Variants in ZNF207 observed in about 807,000 individuals in gnomAD.
ZNF207 encodes zinc finger protein 207.
In ZNF207, 24 loss-of-function variants were observed where a neutral mutation model predicts 60.2. The observed-to-expected ratio is 0.40, with a 90% CI of 0.29 to 0.56. ZNF207 has a LOEUF of 0.56. Among genes scored for constraint, ZNF207 ranks in the 20% least tolerant of loss-of-function variants. The pLI is 0.49. For missense variants in ZNF207, 452 were observed against 636.6 expected (o/e 0.71, Z 3.12); for synonymous variants, 236 against 194.7 (o/e 1.21, Z -1.77).
chr17:32,359,319 G>C (rs1904725698), intron 3 of ZNF207, among the ~76,000 whole-genome samples: 1 of 152,062 alleles, frequency 6.6e-6, no homozygotes, highest in Admixed American at 6.5e-5. Flanking sequence ...CACCATGTTG[G>C]TCAGGCTGGT....
chr17:32,381,395 A>G lies in ZNF207; in HGVS notation c.*11636A>G, dbSNP rs1597807476. The stretch of plus-strand genomic sequence containing the variant: ...GTAAGTAAATGAGCTCACTAAGGGT[A>G]ATTAAATACTAGCTTTTAAAATTTA... On this transcript the variant is annotated 3_prime_UTR_variant, in exon 12 of 12. Transcript: ENST00000394670. 1 of 152,248 alleles carries G rather than the reference A, an allele frequency of 6.6e-6. No homozygotes were observed. Among genetic ancestry groups the G allele is most frequent in the South Asian group, 2.1e-4 (1 of 4,834 alleles). 9.4% of individuals were successfully genotyped at this position (152,248 alleles called of 1,614,324 possible).
chr17:32,358,571 A>T lies in ZNF207; in HGVS notation c.237A>T (p.Ile79=). ...IPGRTDIELE[I]YGMEGIPEKD... The stretch of plus-strand genomic sequence containing the variant: ...GAAGAACAGACATAGAGTTGGAAAT[A>T]TATGGTATGGAAGGTATTCCAGAAA... The change falls in exon 3 of 12, where the codon ATA becomes ATT. Residue 79 remains isoleucine (I), a synonymous_variant. Coordinates refer to ENST00000394670, the MANE Select transcript of ZNF207 (RefSeq NM_001098507.2). 1 of 1,565,422 alleles carries T rather than the reference A, an allele frequency of 6.4e-7. No individual in the cohort carries two copies. The highest frequency in any genetic ancestry group is 8.6e-7 in the Non-Finnish European group (1 of 1,162,342).
intron 7 of ZNF207, among the ~76,000 whole-genome samples, chr17:32,364,356 T>C (rs553717643): frequency 7.9e-6 from 1 of 126,620 alleles, no homozygotes; most frequent in African/African-American, 2.7e-5. Context: ...TAGTTGTTTT[T>C]TTTTCTTTTT....
rs1222142788 is a variant in ZNF207 at position 32,380,134 on chromosome 17, G to A, written c.*10375G>A. On this transcript the variant is annotated 3_prime_UTR_variant, in exon 12 of 12. Transcript: ENST00000394670. Reference sequence around the variant, plus strand: ...TCAATTTATGTCTTTAAGATTTAAAGTGAAGTAAATTTCTAAGGAACTGTG... The same window carrying A: ...TCAATTTATGTCTTTAAGATTTAAAATGAAGTAAATTTCTAAGGAACTGTG... The A allele has an allele frequency of 6.6e-6, 1 of 152,614 alleles. No individual in the cohort carries two copies. 9.5% of individuals were successfully genotyped at this position (152,614 alleles called of 1,614,324 possible).
Position 32,361,453 on chromosome 17 carries a change from C to T in ZNF207, c.552-15C>T, listed in dbSNP as rs762944854. On this transcript the variant is annotated splice_polypyrimidine_tract_variant and intron_variant, in intron 5 of 11. Transcript: ENST00000394670. The stretch of plus-strand genomic sequence containing the variant: ...AATCACAGTTAGATTTTGATTTTGT[C>T]ATACATTTTCACAGATTGCATCATC... The T allele has an allele frequency of 6.2e-7, 1 of 1,604,526 alleles. No individual in the cohort carries two copies. Among genetic ancestry groups the T allele is most frequent in the African/African-American group, 1.3e-5 (1 of 74,822 alleles).
rs542293398 is a variant in ZNF207 at position 32,361,764 on chromosome 17, A to G, written c.599+249A>G. 9.2e-5 allele frequency among the ~76,000 whole-genome samples: 14 copies of G among 152,294 alleles called. No homozygotes were observed. In the South Asian group the frequency reaches 2.7e-3, roughly 29 times the overall value. On this transcript the variant is annotated intron_variant, in intron 6 of 11. Transcript: ENST00000394670. ...TCTCCAAACTATTGAAAGTAATGGG[A>G]CCTGTTAATAAGGGTTAGTATTTAA...
At chr17:32,367,715 T>G (rs181521328) in intron 9 of ZNF207, 57 bp from the exon 10 acceptor site, 14 of 1,598,062 alleles carry the variant, frequency 8.8e-6, no homozygotes, top group Non-Finnish European at 1.1e-5. Flanking sequence ...TAAACTGTTG[T>G]AGATATAGTT....
intron 10 of ZNF207, chr17:32,368,233 C>T (rs977445658): frequency 3.4e-6 from 2 of 594,632 alleles, no homozygotes; most frequent in South Asian, 2.4e-5. Flanking sequence ...TCCCCTTCCT[C>T]CAGACTGTTT....
At position 32,372,709 on chromosome 17, in the gene ZNF207, T is replaced by C. The variant is rs1321838622; in HGVS notation, c.*2950T>C. ...TAATTAAGCTTCTAGAAAATACCTT[T>C]TTTCTAAATGCTTCTGGGGTCCATA... is the stretch of plus-strand genomic sequence containing the variant. On this transcript the variant is annotated 3_prime_UTR_variant, in exon 12 of 12. Coordinates refer to ENST00000394670, the MANE Select transcript of ZNF207 (RefSeq NM_001098507.2). 6.6e-6 allele frequency: 1 copy of C among 152,212 alleles called. No individual in the cohort carries two copies. The highest frequency in any genetic ancestry group is 6.5e-5 in the Admixed American group (1 of 15,282). The allele number at this position is 152,212 out of a possible 1,614,324, so 9.4% of individuals were successfully genotyped here.
intron 4 of ZNF207, 61 bp from the exon 5 acceptor site, chr17:32,360,831 A>T: frequency 1.9e-6 from 3 of 1,612,222 alleles, no homozygotes; most frequent in Non-Finnish European, 2.5e-6. Flanking sequence ...TCGAAGTATT[A>T]CTTTCTTCCC....
At position 32,381,281 on chromosome 17, in the gene ZNF207, A is replaced by C. The variant is rs941217743; in HGVS notation, c.*11522A>C. 2 of 152,258 alleles carry C rather than the reference A, an allele frequency of 1.3e-5. No individual in the cohort carries two copies. The highest frequency in any genetic ancestry group is 4.8e-5 in the African/African-American group (2 of 41,472). The allele number at this position is 152,258 out of a possible 1,614,324, so 9.4% of individuals were successfully genotyped here. ...TCATACAAGGGATATGATTGTAAGG[A>C]GGTCCTGAACAAAGCATGATAAATG... On this transcript the variant is annotated 3_prime_UTR_variant, in exon 12 of 12. Transcript: ENST00000394670.
intron 3 of ZNF207, 51 bp from the exon 4 acceptor site, chr17:32,360,547 A>T (rs773689824): frequency 2.0e-6 from 3 of 1,509,480 alleles, no homozygotes; most frequent in Admixed American, 2.2e-5. Flanking sequence ...AATGTTGTAA[A>T]TAAACTTTCT....
In ZNF207 at chr17:32,374,305, C is replaced by G. The variant is rs1179384804; in HGVS notation, c.*4546C>G. 6.7e-6 allele frequency: 1 copy of G among 149,714 alleles called. No individual in the cohort carries two copies. Among genetic ancestry groups the G allele is most frequent in the Non-Finnish European group, 1.5e-5 (1 of 67,726 alleles). The allele number at this position is 149,714 out of a possible 1,614,324, so 9.3% of individuals were successfully genotyped here. A position where few individuals can be genotyped will look rare whatever the true frequency, so the allele number is the denominator to read the frequency against. ...CGATCTCAGCTCACTACAACCTCCACCTCCTGGATTCAAGCGATTCTCCTG... is the reference window on the plus strand; with the variant it reads ...CGATCTCAGCTCACTACAACCTCCAGCTCCTGGATTCAAGCGATTCTCCTG... On this transcript the variant is annotated 3_prime_UTR_variant, in exon 12 of 12. Coordinates refer to ENST00000394670, the MANE Select transcript of ZNF207 (RefSeq NM_001098507.2).
At chr17:32,357,342 ATTATTATTATTTTT>A (rs966501941) in intron 2 of ZNF207, among the ~76,000 whole-genome samples, 9 of 64,462 alleles carry the variant, frequency 1.4e-4, no homozygotes, top group African/African-American at 4.4e-4. Context: ...TATTATTATT[ATTATTATTATTTTT>A]TTTTTTTTTT....
chr17:32,352,160 G>C (rs1431591635), intron 2 of ZNF207, among the ~76,000 whole-genome samples: 1 of 152,050 alleles, frequency 6.6e-6, no homozygotes, highest in Non-Finnish European at 1.5e-5. Context: ...GTAGAGACTG[G>C]GGTTTCACCA....
chr17:32,356,955 G>A (rs190430761), intron 2 of ZNF207, among the ~76,000 whole-genome samples: 6 of 152,296 alleles, frequency 3.9e-5, no homozygotes, highest in Non-Finnish European at 7.3e-5. Flanking sequence ...ACTGAGGTGG[G>A]TGGATCCCTT....
chr17:32,360,980 T>C lies in ZNF207; in HGVS notation c.551+13T>C, dbSNP rs754446895. 1.2e-6 allele frequency: 2 copies of C among 1,611,706 alleles called. No homozygotes were observed. The highest frequency in any genetic ancestry group is 2.2e-5 in the South Asian group (2 of 90,866). ...GCATGCCACCTGGGTAAGAAAATTCTTTTAATTGCCCTGTAGGCTTGTGCC... is the reference window on the plus strand; with the variant it reads ...GCATGCCACCTGGGTAAGAAAATTCCTTTAATTGCCCTGTAGGCTTGTGCC... On this transcript the variant is annotated intron_variant, in intron 5 of 11. Coordinates refer to ENST00000394670, the MANE Select transcript of ZNF207 (RefSeq NM_001098507.2).
At position 32,357,348 on chromosome 17, in the gene ZNF207, A is replaced by ATTTTTTT. The variant is rs772462101; in HGVS notation, c.169-1153_169-1152insTTTTTTT. Among the ~76,000 whole-genome samples, 62 of 77,642 alleles carry ATTTTTTT rather than the reference A, an allele frequency of 8.0e-4. 1 individual carries two copies. The highest frequency in any genetic ancestry group is 3.3e-3 in the African/African-American group (50 of 15,040). The allele number at this position is 77,642 out of a possible 152,430, so 50.9% of individuals were successfully genotyped here. A position where few individuals can be genotyped will look rare whatever the true frequency, so the allele number is the denominator to read the frequency against. On this transcript the variant is annotated intron_variant, in intron 2 of 11. Transcript: ENST00000394670. The stretch of plus-strand genomic sequence containing the variant: ...TATTATTATTATTATTATTATTATT[A>ATTTTTTT]TTATTTTTTTTTTTTTTTGAGACAG...
chr17:32,352,732 G>A (rs900265235), intron 2 of ZNF207, among the ~76,000 whole-genome samples: 4 of 152,208 alleles, frequency 2.6e-5, no homozygotes, highest in Admixed American at 2.6e-4. Flanking sequence ...GCCTTGCTCT[G>A]TGGCCCAGGC....
Sources: gnomAD v4.1 joint callset for allele counts (sites outside exome capture counted in the v4.1 genomes callset) on GRCh38, gnomAD v4.1.1 for gene constraint, MANE v1.5 for transcripts, NCBI Gene and HGNC (gene_info 2026-07-23, HGNC 2026-07-21) for gene names.